LTF: variants seen among roughly 807,000 people sequenced by gnomAD.
LTF encodes the protein lactotransferrin.
Under a neutral mutation model 87.2 loss-of-function variants are expected in LTF, and 91 were observed. That is an observed-to-expected ratio of 1.04 (90% CI 0.88 to 1.24). LTF has a LOEUF of 1.24. Among genes scored for constraint, LTF ranks in the 50% most tolerant of loss-of-function variants. LTF has a pLI of 0.00. For missense variants in LTF, 901 were observed against 904.3 expected (o/e 1.00, Z 0.05); for synonymous variants, 378 against 356.1 (o/e 1.06, Z -0.69).
At chr3:46,456,479 C>A in intron 2 of LTF, 81 bp from the exon 3 acceptor site, 1 of 1,136,880 alleles carries the variant, frequency 8.8e-7, no homozygotes, top group South Asian at 1.3e-5. Context: ...CTCAAAAAGT[C>A]TCCATGGCTG....
chr3:46,440,761 C>G (rs1237875801), intron 14 of LTF, among the ~76,000 whole-genome samples: 1 of 152,168 alleles, frequency 6.6e-6, no homozygotes, highest in Non-Finnish European at 1.5e-5. Flanking sequence ...TCTCAGGAAA[C>G]AGAATAGCAA....
chr3:46,439,994 T>C (rs566084703), intron 14 of LTF, among the ~76,000 whole-genome samples: 30 of 152,116 alleles, frequency 2.0e-4, no homozygotes, highest in South Asian at 1.7e-3. Context: ...AGAAAGTGGA[T>C]TGATGGTTGC....
In LTF at chr3:46,456,372, A is replaced by G; in HGVS notation, c.234T>C (p.Leu78=). Residue 78 remains leucine (L), a synonymous_variant, in exon 3 of 17, where the codon CTT becomes CTC. Transcript: ENST00000231751. ...CTGCCTCGTATATGAAACCACCATC[A>G]AGGGTCACAGCATCGGCCCTGTTTT... is the stretch of plus-strand genomic sequence containing the variant. ...IAENRADAVT[L]DGGFIYEAGL... 3 of 1,614,084 alleles carry G rather than the reference A, an allele frequency of 1.9e-6. No individual in the cohort carries two copies. Among genetic ancestry groups the G allele is most frequent in the South Asian group, 1.1e-5 (1 of 91,080 alleles).
At chr3:46,464,439 A>G (rs2106907102) in intron 1 of LTF, among the ~76,000 whole-genome samples, 1 of 152,322 alleles carries the variant, frequency 6.6e-6, no homozygotes, top group South Asian at 2.1e-4. Flanking sequence ...TCCTCGCAGG[A>G]GCTAGGATCT....
At chr3:46,477,047 A>C (rs1703368141) in intron 1 of LTF, among the ~76,000 whole-genome samples, 1 of 152,238 alleles carries the variant, frequency 6.6e-6, no homozygotes, top group Non-Finnish European at 1.5e-5. Flanking sequence ...GTTTTACAGC[A>C]TATGACTACG....
intron 1 of LTF, among the ~76,000 whole-genome samples, chr3:46,473,095 C>T (rs1703315980): frequency 6.6e-6 from 1 of 152,050 alleles, no homozygotes; most frequent in South Asian, 2.1e-4. Flanking sequence ...TGGAGATGAC[C>T]TTGGACTCCT....
In LTF at chr3:46,459,775, C is replaced by T. The variant is rs563355635; in HGVS notation, c.88G>A (p.Val30Ile). The change falls in exon 2 of 17, where the codon GTA (valine) becomes ATA (isoleucine). Residue 30 changes from valine to isoleucine, a missense_variant. By Grantham distance (29) the Val-to-Ile change is conservative. Coordinates refer to ENST00000231751, the MANE Select transcript of LTF (RefSeq NM_002343.6). ...GRRRSVQWCA[V>I]SQPEATKCFQ... ...CATTTTGTGGCCTCGGGTTGGGATA[C>T]GGCGCACCACTGAACACTCCTCCTA... 5.4e-6 allele frequency: 8 copies of T among 1,487,816 alleles called. No homozygotes were observed. In the East Asian group the frequency reaches 8.0e-5, roughly 15 times the overall value. 92.2% of individuals were successfully genotyped at this position (1,487,816 alleles called of 1,614,324 possible).
chr3:46,467,661 T>C (rs1703233890), upstream of LTF, among the ~76,000 whole-genome samples: 2 of 149,864 alleles, frequency 1.3e-5, no homozygotes, highest in South Asian at 4.2e-4. Context: ...TTTTTTTTTT[T>C]TTTACCGACA....
Position 46,464,873 on chromosome 3 carries a change from C to T in LTF, c.-6G>A. The T allele has an allele frequency of 1.9e-6, 3 of 1,613,708 alleles. No individual in the cohort carries two copies. Among genetic ancestry groups the T allele is most frequent in the Middle Eastern group, 1.6e-4 (1 of 6,080 alleles). ...ACGAGGAAGACAAGTTTCATGTCTG[C>T]GGTCTGGAGGCGACTTGGCAAACGA... On this transcript the variant is annotated 5_prime_UTR_variant, in exon 1 of 17. Transcript: ENST00000231751.
At chr3:46,442,532 G>A (rs570004577) in intron 13 of LTF, among the ~76,000 whole-genome samples, 21 of 150,066 alleles carry the variant, frequency 1.4e-4, no homozygotes, top group South Asian at 4.2e-4. Context: ...TGCTTCTTTC[G>A]GGCTCTTATG....
intron 1 of LTF, chr3:46,460,529 T>C: frequency 2.2e-6 from 1 of 454,070 alleles, no homozygotes; most frequent in Non-Finnish European, 4.4e-6. Flanking sequence ...CTCAAATCCA[T>C]GTAATTAGGG....
rs748275862 is a variant in LTF, at chr3:46,446,423, G to A, written c.1357+17C>T. On this transcript the variant is annotated intron_variant, in intron 11 of 16. Transcript: ENST00000231751. ...AGAACTTATCCTTGACCCTGAAAGT[G>A]GCTAATGCCAACTCACCTTCCACAG... 6.2e-7 allele frequency: 1 copy of A among 1,607,072 alleles called. No homozygotes were observed. The highest frequency in any genetic ancestry group is 1.7e-4 in the Middle Eastern group (1 of 6,044).
chr3:46,453,616 C>T (rs1270163401), intron 6 of LTF, among the ~76,000 whole-genome samples: 1 of 152,050 alleles, frequency 6.6e-6, no homozygotes, highest in Non-Finnish European at 1.5e-5. Context: ...AATATAGTAG[C>T]CCTGTCTCTA....
At chr3:46,449,438 C>A (rs949272532) in intron 8 of LTF, among the ~76,000 whole-genome samples, 1 of 152,154 alleles carries the variant, frequency 6.6e-6, no homozygotes, top group South Asian at 2.1e-4. Context: ...CTGGGTTCCC[C>A]CAGACTCCCA....
At chr3:46,458,001 G>A (rs1702981898) in intron 2 of LTF, among the ~76,000 whole-genome samples, 2 of 151,730 alleles carry the variant, frequency 1.3e-5, no homozygotes, top group African/African-American at 4.8e-5. Context: ...AGCCAGGATG[G>A]TCTTGATCTC....
chr3:46,436,233 T>A lies in LTF; in HGVS notation c.2099-4A>T. 6.2e-7 allele frequency: 1 copy of A among 1,613,942 alleles called. No individual in the cohort carries two copies. The highest frequency in any genetic ancestry group is 8.5e-7 in the Non-Finnish European group (1 of 1,179,794). ...AATTCACAGGCTTCCAGGAGGGCTGTGGGACACAACAGAGCAAGAGATTCA... is the reference window on the plus strand; with the variant it reads ...AATTCACAGGCTTCCAGGAGGGCTGAGGGACACAACAGAGCAAGAGATTCA... On this transcript the variant is annotated splice_region_variant and splice_polypyrimidine_tract_variant and intron_variant, in intron 16 of 16. Transcript: ENST00000231751.
At position 46,464,286 on chromosome 3, in the gene LTF, C is replaced by T. The variant is rs78978808; in HGVS notation, c.43+539G>A. Among the ~76,000 whole-genome samples the T allele has an allele frequency of 4.5e-3, 689 of 152,226 alleles. 5 individuals are homozygous for T. The highest frequency in any genetic ancestry group is 0.016 in the African/African-American group (656 of 41,530). On this transcript the variant is annotated intron_variant, in intron 1 of 16. Transcript: ENST00000231751. Reference sequence around the variant, plus strand: ...TGACACAGGGTTCCATCAGGAGCACCGCACCCCTCCACAACCCTCTGCCAC... The same window carrying T: ...TGACACAGGGTTCCATCAGGAGCACTGCACCCCTCCACAACCCTCTGCCAC...
chr3:46,475,295 C>A (rs1703345732), intron 1 of LTF, among the ~76,000 whole-genome samples: 1 of 152,130 alleles, frequency 6.6e-6, no homozygotes. Context: ...AAAAAGAAAT[C>A]TTCAGACTCA....
intron 12 of LTF, among the ~76,000 whole-genome samples, chr3:46,444,746 G>A (rs561740961): frequency 1.3e-5 from 2 of 152,364 alleles, no homozygotes; most frequent in South Asian, 4.1e-4. Context: ...GGGGCCCACA[G>A]CAGGCAGGGT....
Sources: gnomAD v4.1 joint callset for allele counts (sites outside exome capture counted in the v4.1 genomes callset) on GRCh38, gnomAD v4.1.1 for gene constraint, MANE v1.5 for transcripts, NCBI Gene and HGNC (gene_info 2026-07-23, HGNC 2026-07-21) for gene names.